Variants in SCN3A observed in about 807,000 individuals in gnomAD.
SCN3A encodes sodium voltage-gated channel alpha subunit 3.
A neutral mutation model predicts 187.6 loss-of-function variants in SCN3A; 60 were observed. That is an observed-to-expected ratio of 0.32 (90% CI 0.26 to 0.40). The LOEUF is 0.40. SCN3A is among the 10% of genes least tolerant of loss of function. The probability of loss-of-function intolerance (pLI) is 1.00; values close to 1 mark genes in which losing one functional copy is unlikely to be tolerated. For missense variants in SCN3A, 1,601 were observed against 2,428.2 expected, an observed-to-expected ratio of 0.66 and a Z score of 7.16; for synonymous variants, 788 against 829.2, an observed-to-expected ratio of 0.95 and a Z score of 0.85.
chr2:165,094,297 T>G (rs1028131422), intron 26 of SCN3A, 77 bp downstream of exon 26: 45 of 1,023,596 alleles, frequency 4.4e-5, no homozygotes, highest in Non-Finnish European at 5.9e-5. Flanking sequence ...CCTAATATGT[T>G]CTGCTCCAGA....
chr2:165,175,221 TAA>T lies in SCN3A; in HGVS notation c.264+908_264+909del, dbSNP rs757895616. Among the ~76,000 whole-genome samples, 4 of 152,232 alleles carry T rather than the reference TAA, an allele frequency of 2.6e-5. No individual in the cohort carries two copies. In the East Asian group the frequency reaches 5.8e-4, roughly 22 times the overall value. On this transcript the variant is annotated intron_variant, in intron 3 of 27. Coordinates refer to ENST00000283254, the MANE Select transcript of SCN3A (RefSeq NM_006922.4). ...ATAAGTCATCAACTCATGGTGATAC[TAA>T]TTTATCTTTAGTTTCTACATTGAGC...
chr2:165,136,708 T>C (rs181507423), intron 15 of SCN3A, among the ~76,000 whole-genome samples: 152 of 152,320 alleles, frequency 1.0e-3, no homozygotes, highest in Non-Finnish European at 1.6e-3. Flanking sequence ...GTGACTAGCA[T>C]GTAAACACTG....
At chr2:165,121,224 G>A (rs1396513147) in intron 18 of SCN3A, among the ~76,000 whole-genome samples, 1 of 152,136 alleles carries the variant, frequency 6.6e-6, no homozygotes, top group Non-Finnish European at 1.5e-5. Context: ...CCATGTAACA[G>A]AGAAACTGAA....
intron 18 of SCN3A, among the ~76,000 whole-genome samples, chr2:165,118,139 CATAA>C (rs1157956555): frequency 6.6e-6 from 1 of 152,154 alleles, no homozygotes; most frequent in African/African-American, 2.4e-5. Context: ...CTTGTTTGGA[CATAA>C]ATAATCTCTA....
chr2:165,197,166 T>C (rs1692017629), intron 1 of SCN3A, among the ~76,000 whole-genome samples: 1 of 152,098 alleles, frequency 6.6e-6, no homozygotes, highest in Non-Finnish European at 1.5e-5. Context: ...TGGACACAAG[T>C]GTATTTTTTG....
chr2:165,099,878 G>A (rs11681073), intron 22 of SCN3A, among the ~76,000 whole-genome samples: 2,258 of 152,248 alleles, frequency 0.015, 23 homozygotes, highest in Middle Eastern at 0.034. Context: ...ATTAATTCAA[G>A]AAGCAAAGCA....
At chr2:165,122,245 T>TC (rs1317763106) in intron 18 of SCN3A, among the ~76,000 whole-genome samples, 2 of 149,106 alleles carry the variant, frequency 1.3e-5, no homozygotes, top group Non-Finnish European at 3.0e-5. Flanking sequence ...TTTTCTTTTT[T>TC]TTTTTTTTTA....
At chr2:165,102,141 A>G (rs62174897) in intron 21 of SCN3A, among the ~76,000 whole-genome samples, 19,438 of 152,262 alleles carry the variant, frequency 0.13, 1,518 homozygotes, top group Middle Eastern at 0.17. Flanking sequence ...AAAATCCTTT[A>G]TTTGAGACAT....
intron 11 of SCN3A, among the ~76,000 whole-genome samples, chr2:165,152,363 A>G (rs1328767849): frequency 5.9e-5 from 9 of 152,228 alleles, no homozygotes; most frequent in Admixed American, 2.6e-4. Flanking sequence ...GAAAACTACA[A>G]TGTTTCAGAT....
chr2:165,174,687 G>A (rs557322019), intron 3 of SCN3A, among the ~76,000 whole-genome samples: 13 of 151,766 alleles, frequency 8.6e-5, no homozygotes, highest in Admixed American at 3.9e-4. Context: ...AGTTTTCACC[G>A]GATAATATTT....
intron 18 of SCN3A, among the ~76,000 whole-genome samples, chr2:165,120,978 T>C (rs1420581124): frequency 6.6e-6 from 1 of 151,330 alleles, no homozygotes; most frequent in Non-Finnish European, 1.5e-5. Flanking sequence ...AGTTGAAGAG[T>C]AGGGTAAAAG....
intron 5 of SCN3A, among the ~76,000 whole-genome samples, chr2:165,164,905 AT>A (rs1208055680): frequency 2.6e-5 from 4 of 152,124 alleles, no homozygotes; most frequent in Non-Finnish European, 5.9e-5. Flanking sequence ...AAGTCAACGT[AT>A]TTTTTATACT....
chr2:165,176,500 A>G, intron 2 of SCN3A, 56 bp from the exon 3 acceptor site: 1 of 1,350,784 alleles, frequency 7.4e-7, no homozygotes, highest in Middle Eastern at 1.9e-4. Context: ...TGGGCATAAG[A>G]ACATCAACCA....
At chr2:165,149,455 G>A (rs1452039268) in intron 11 of SCN3A, among the ~76,000 whole-genome samples, 5 of 152,220 alleles carry the variant, frequency 3.3e-5, no homozygotes, top group South Asian at 4.1e-4. Flanking sequence ...GATTACAGGC[G>A]CGAGCCACCG....
At chr2:165,151,527 G>T (rs1220413293) in intron 11 of SCN3A, among the ~76,000 whole-genome samples, 1 of 152,186 alleles carries the variant, frequency 6.6e-6, no homozygotes, top group Non-Finnish European at 1.5e-5. Flanking sequence ...CTGGACATCA[G>T]ATCAGGATGT....
At chr2:165,192,938 A>C (rs545008959) in intron 1 of SCN3A, among the ~76,000 whole-genome samples, 1 of 152,252 alleles carries the variant, frequency 6.6e-6, no homozygotes, top group East Asian at 1.9e-4. Context: ...GCCATTGACC[A>C]CATGAGGAAC....
chr2:165,130,997 A>C (rs1304758178), intron 16 of SCN3A, among the ~76,000 whole-genome samples: 1 of 152,090 alleles, frequency 6.6e-6, no homozygotes, highest in Non-Finnish European at 1.5e-5. Context: ...CTTAAAACAC[A>C]GTTTTAGAAA....
chr2:165,202,019 C>G (rs1403117271), intron 1 of SCN3A, among the ~76,000 whole-genome samples: 1 of 152,018 alleles, frequency 6.6e-6, no homozygotes, highest in Non-Finnish European at 1.5e-5. Context: ...TGAACCAGAT[C>G]CCAAGACTTT....
At chr2:165,191,922 T>A (rs1231335011) in intron 1 of SCN3A, among the ~76,000 whole-genome samples, 1 of 152,054 alleles carries the variant, frequency 6.6e-6, no homozygotes, top group Non-Finnish European at 1.5e-5. Flanking sequence ...CTGAAAAATT[T>A]AGTAGTTTTT....
Sources: allele counts gnomAD v4.1 joint callset (sites outside exome capture counted in the v4.1 genomes callset), GRCh38; gene constraint gnomAD v4.1.1; transcripts MANE v1.5; gene names NCBI Gene and HGNC (gene_info 2026-07-23, HGNC 2026-07-21).